Variants in TDRD12 observed in about 807,000 individuals in gnomAD.
TDRD12 encodes the protein putative ATP-dependent RNA helicase TDRD12.
Under a neutral mutation model 133.5 loss-of-function variants are expected in TDRD12, and 158 were observed. That is an observed-to-expected ratio of 1.18 (90% CI 1.04 to 1.35). The LOEUF (loss-of-function observed/expected upper bound fraction) is 1.35. Ranked by LOEUF, TDRD12 falls within the 40% of genes most tolerant of loss-of-function variation. TDRD12 has a pLI of 0.00. For synonymous variants in TDRD12, 460 were observed against 477.9 expected, an observed-to-expected ratio of 0.96 and a Z score of 0.49; for missense variants, 1,443 against 1,321.3, an observed-to-expected ratio of 1.09 and a Z score of -1.43.
exon 9 of TDRD12, chr19:32,772,776 G>A: frequency 1.3e-6 from 2 of 1,511,432 alleles, no homozygotes; most frequent in Non-Finnish European, 8.8e-7. Flanking sequence ...ATGTAATATG[G>A]ATTCATTGAG....
chr19:32,720,117 C>T (rs949169217), intron 1 of TDRD12, 21 bp downstream of exon 1: 1 of 1,545,872 alleles, frequency 6.5e-7, no homozygotes, highest in Middle Eastern at 1.9e-4. Context: ...CCAAGCCAGA[C>T]CCACGCCAGA....
chr19:32,802,008 A>G, intron 19 of TDRD12, 135 bp downstream of exon 19: 1 of 430,312 alleles, frequency 2.3e-6, no homozygotes, highest in South Asian at 5.2e-5. Context: ...AGCAATGTTA[A>G]TTTCAAAATG....
intron 11 of TDRD12, among the ~76,000 whole-genome samples, chr19:32,786,239 A>G (rs895205140): frequency 1.3e-5 from 2 of 152,224 alleles, no homozygotes; most frequent in Non-Finnish European, 2.9e-5. Context: ...CTTTTCAAGA[A>G]TGTTGAATAT....
chr19:32,790,945 A>C lies in TDRD12; in HGVS notation c.1183-19A>C. ...GCCTCAGGGCAGACACTGGTTGTCTAATGCACACGTTCTCTCAGTTGCAGA... is the reference window on the plus strand; with the variant it reads ...GCCTCAGGGCAGACACTGGTTGTCTCATGCACACGTTCTCTCAGTTGCAGA... On this transcript the variant is annotated intron_variant, in intron 12 of 27. Coordinates refer to ENST00000444215, the Ensembl canonical transcript of TDRD12. The C allele has an allele frequency of 6.5e-7, 1 of 1,532,934 alleles. No individual in the cohort carries two copies. Among genetic ancestry groups the C allele is most frequent in the Admixed American group, 2.0e-5 (1 of 49,760 alleles). The allele number at this position is 1,532,934 out of a possible 1,614,324, so 95.0% of individuals were successfully genotyped here. A position where few individuals can be genotyped will look rare whatever the true frequency, so the allele number is the denominator to read the frequency against.
intron 9 of TDRD12, 36 bp from the exon 10 acceptor site, chr19:32,773,420 T>C: frequency 1.3e-6 from 2 of 1,530,246 alleles, no homozygotes; most frequent in Non-Finnish European, 1.8e-6. Flanking sequence ...GTTGCTAGCA[T>C]ACACATTCTT....
chr19:32,822,576 T>A (rs1967438068), downstream of TDRD12, among the ~76,000 whole-genome samples: 1 of 151,306 alleles, frequency 6.6e-6, no homozygotes, highest in Non-Finnish European at 1.5e-5. Context: ...TGAAACCCCG[T>A]CTCTACTAAA....
Sources: allele counts gnomAD v4.1 joint callset (sites outside exome capture counted in the v4.1 genomes callset), GRCh38; gene constraint gnomAD v4.1.1; transcripts MANE v1.5; gene names NCBI Gene and HGNC (gene_info 2026-07-23, HGNC 2026-07-21).